Variants in ALG10B observed in about 807,000 individuals in gnomAD.
ALG10B encodes the protein dol-P-Glc:Glc(2)Man(9)GlcNAc(2)-PP-Dol alpha-1,2-glucosyltransferase B.
Under a neutral mutation model 38.7 loss-of-function variants are expected in ALG10B, and 27 were observed. The ratio of observed to expected loss-of-function variants is 0.70; its 90% CI spans 0.51 to 0.96. The LOEUF (loss-of-function observed/expected upper bound fraction) is 0.96. ALG10B is among the 40% of genes least tolerant of loss of function. ALG10B has a pLI of 0.00. For missense variants in ALG10B, 522 were observed against 542.7 expected, an observed-to-expected ratio of 0.96 and a Z score of 0.38; for synonymous variants, 177 against 193.3, an observed-to-expected ratio of 0.92 and a Z score of 0.70.
rs1293302570 is a variant in ALG10B at position 38,324,186 on chromosome 12, C to T, written c.*2973C>T. 5.0e-6 allele frequency: 2 copies of T among 403,488 alleles called. No homozygotes were observed. The highest frequency in any genetic ancestry group is 4.0e-5 in the Admixed American group (1 of 25,058). The allele number at this position is 403,488 out of a possible 1,614,324, so 25.0% of individuals were successfully genotyped here. On this transcript the variant is annotated 3_prime_UTR_variant, in exon 3 of 3. Transcript: ENST00000308742. ...TAGCTGAGATTATAGGCGCCCACCA[C>T]CAAGCCTGGCTAATTTTTTCTATTT...
Position 38,316,912 on chromosome 12 carries a change from T to C in ALG10B, c.19T>C (p.Tyr7His), listed in dbSNP as rs866239763. 1.2e-6 allele frequency: 2 copies of C among 1,614,052 alleles called. No individual in the cohort carries two copies. The highest frequency in any genetic ancestry group is 1.7e-6 in the Non-Finnish European group (2 of 1,180,032). Reference sequence around the variant, plus strand: ...AGCAGGAATGGCGCAGCTAGAGGGTTACTGTTTCTCGGCCGCCTTGAGCTG... The same window carrying C: ...AGCAGGAATGGCGCAGCTAGAGGGTCACTGTTTCTCGGCCGCCTTGAGCTG... The part of the protein sequence containing the change: MAQLEG[Y>H]CFSAALSCTF... Residue 7 changes from tyrosine to histidine, a missense_variant, in exon 1 of 3, where the codon TAC (tyrosine) becomes CAC (histidine). Tyr to His is a moderately conservative substitution (Grantham distance 83). Coordinates refer to ENST00000308742, the MANE Select transcript of ALG10B (RefSeq NM_001013620.4).
In ALG10B at chr12:38,329,250, T is replaced by C; in HGVS notation, c.*8037T>C. 2.5e-6 allele frequency: 1 copy of C among 397,534 alleles called. No homozygotes were observed. Among genetic ancestry groups the C allele is most frequent in the Non-Finnish European group, 4.4e-6 (1 of 225,916 alleles). The allele number at this position is 397,534 out of a possible 1,614,324, so 24.6% of individuals were successfully genotyped here. On this transcript the variant is annotated 3_prime_UTR_variant, in exon 3 of 3. Coordinates refer to ENST00000308742, the MANE Select transcript of ALG10B (RefSeq NM_001013620.4). The stretch of plus-strand genomic sequence containing the variant: ...TTGTTTCTGTTTTTGTCATGATACC[T>C]CAAATTGATATATGTTGTAATTATG...
rs1945743948 is a variant in ALG10B, at chr12:38,326,307, A to AT, written c.*5096dup. On this transcript the variant is annotated 3_prime_UTR_variant, in exon 3 of 3. Transcript: ENST00000308742. ...CAGTGTGGCCCAGGGAAGCCAAAAG[A>AT]TTGGAGACCCCTGCTAGCATTTAAT... is the stretch of plus-strand genomic sequence containing the variant. 6.6e-6 allele frequency: 1 copy of AT among 151,916 alleles called. No individual in the cohort carries two copies. Among genetic ancestry groups the AT allele is most frequent in the Admixed American group, 6.5e-5 (1 of 15,268 alleles). 9.4% of individuals were successfully genotyped at this position (151,916 alleles called of 1,614,324 possible).
rs1945716757 is a variant in ALG10B at position 38,323,121 on chromosome 12, A to G, written c.*1908A>G. On this transcript the variant is annotated 3_prime_UTR_variant, in exon 3 of 3. Transcript: ENST00000308742. Reference sequence around the variant, plus strand: ...CGGATTTCAAATCTTCTGGATAAATAGCCAGAAGTGGGATTGTTGGATCAG... The same window carrying G: ...CGGATTTCAAATCTTCTGGATAAATGGCCAGAAGTGGGATTGTTGGATCAG... The G allele has an allele frequency of 1.3e-5, 2 of 152,178 alleles. No individual in the cohort carries two copies. The highest frequency in any genetic ancestry group is 2.1e-4 in the South Asian group (1 of 4,832). The allele number at this position is 152,178 out of a possible 1,614,324, so 9.4% of individuals were successfully genotyped here.
rs778199080 is a variant in ALG10B, at chr12:38,320,584, T to C, written c.793T>C (p.Cys265Arg). 9.3e-6 allele frequency: 15 copies of C among 1,614,150 alleles called. No homozygotes were observed. The highest frequency in any genetic ancestry group is 2.2e-5 in the South Asian group (2 of 91,084). Residue 265 changes from cysteine to arginine, a missense_variant, in exon 3 of 3, where the codon TGT (cysteine) becomes CGT (arginine). Physicochemically the swap from Cys to Arg is radical, Grantham distance 180. Transcript: ENST00000308742. The stretch of plus-strand genomic sequence containing the variant: ...CTACATCCTTCTGGGATTTCTGTTT[T>C]GTGCTTTTGTAGTAGTTAATGGTGG... ...WPYILLGFLF[C>R]AFVVVNGGIV...
chr12:38,320,462 A>G lies in ALG10B; in HGVS notation c.671A>G (p.Lys224Arg). 6.2e-7 allele frequency: 1 copy of G among 1,614,046 alleles called. No individual in the cohort carries two copies. Among genetic ancestry groups the G allele is most frequent in the South Asian group, 1.1e-5 (1 of 91,076 alleles). Reference protein sequence around the residue: ...QKKEDRLPPIKGPFAEFRKIL... With the variant: ...QKKEDRLPPIRGPFAEFRKIL... ...AAGGAAGACAGACTTCCACCTATTA[A>G]AGGACCATTTGCAGAATTCAGAAAA... Residue 224 changes from lysine to arginine, a missense_variant, in exon 3 of 3, where the codon AAA (lysine) becomes AGA (arginine). Transcript: ENST00000308742.
At chr12:38,319,570 A>G (rs1435558313) in intron 2 of ALG10B, among the ~76,000 whole-genome samples, 1 of 152,234 alleles carries the variant, frequency 6.6e-6, no homozygotes. Flanking sequence ...CTGAAATAGC[A>G]TGTCAGAAAG....
chr12:38,317,084 C>T lies in ALG10B; in HGVS notation c.171+20C>T, dbSNP rs1318398318. 1.9e-6 allele frequency: 3 copies of T among 1,614,004 alleles called. No homozygotes were observed. Among genetic ancestry groups the T allele is most frequent in the Admixed American group, 3.3e-5 (2 of 60,004 alleles). On this transcript the variant is annotated intron_variant, in intron 1 of 2. Coordinates refer to ENST00000308742, the MANE Select transcript of ALG10B (RefSeq NM_001013620.4). Reference sequence around the variant, plus strand: ...TCCCAGGTGGGGTGCCCAACCTGTCCCCACCCCAGGAGAGGCCTGAAAGGT... The same window carrying T: ...TCCCAGGTGGGGTGCCCAACCTGTCTCCACCCCAGGAGAGGCCTGAAAGGT...
Position 38,320,182 on chromosome 12 carries a change from G to A in ALG10B, c.391G>A (p.Val131Ile), listed in dbSNP as rs1040268707. The change falls in exon 3 of 3, where the codon GTC becomes ATC. Residue 131 changes from valine (V) to isoleucine (I), a missense_variant. Val to Ile is a conservative substitution (Grantham distance 29, BLOSUM62 3). Transcript: ENST00000308742. Reference sequence around the variant, plus strand: ...CAAGGCTGCCTCAAGTATCCAGAGAGTCTTGTCAACATTAACACTAGCAGT... The same window carrying A: ...CAAGGCTGCCTCAAGTATCCAGAGAATCTTGTCAACATTAACACTAGCAGT... ...RNKAASSIQR[V>I]LSTLTLAVFP... The A allele has an allele frequency of 3.1e-6, 5 of 1,613,882 alleles. No individual in the cohort carries two copies. The highest frequency in any genetic ancestry group is 1.3e-5 in the African/African-American group (1 of 74,910).
rs756583115 is a variant in ALG10B, at chr12:38,321,408, G to A, written c.*195G>A. The stretch of plus-strand genomic sequence containing the variant: ...AAAGAACTGGGAAAGCTTAAGACCT[G>A]CTTCAAAAGCCTGAATAATGGGAAA... On this transcript the variant is annotated 3_prime_UTR_variant, in exon 3 of 3. Coordinates refer to ENST00000308742, the MANE Select transcript of ALG10B (RefSeq NM_001013620.4). 5 of 474,110 alleles carry A rather than the reference G, an allele frequency of 1.1e-5. No homozygotes were observed. The highest frequency in any genetic ancestry group is 1.4e-5 in the Non-Finnish European group (4 of 284,518). The allele number at this position is 474,110 out of a possible 1,614,324, so 29.4% of individuals were successfully genotyped here.
chr12:38,318,029 A>AT (rs1945671463), intron 1 of ALG10B: 1 of 562,956 alleles, frequency 1.8e-6, no homozygotes, highest in Non-Finnish European at 3.2e-6. Flanking sequence ...ATAGAAATAG[A>AT]TTTTAAGTTG....
In ALG10B at chr12:38,324,172, A is replaced by G; in HGVS notation, c.*2959A>G. On this transcript the variant is annotated 3_prime_UTR_variant, in exon 3 of 3. Transcript: ENST00000308742. ...CTCAGCCTCCCGAGTAGCTGAGATTATAGGCGCCCACCACCAAGCCTGGCT... is the reference window on the plus strand; with the variant it reads ...CTCAGCCTCCCGAGTAGCTGAGATTGTAGGCGCCCACCACCAAGCCTGGCT... 2.2e-6 allele frequency: 1 copy of G among 451,698 alleles called. No homozygotes were observed. Among genetic ancestry groups the G allele is most frequent in the African/African-American group, 2.0e-5 (1 of 49,892 alleles). 28.0% of individuals were successfully genotyped at this position (451,698 alleles called of 1,614,324 possible).
chr12:38,328,703 C>A lies in ALG10B; in HGVS notation c.*7490C>A, dbSNP rs1056997495. 1.3e-5 allele frequency: 2 copies of A among 152,242 alleles called. No homozygotes were observed. Among genetic ancestry groups the A allele is most frequent in the African/African-American group, 2.4e-5 (1 of 41,364 alleles). The allele number at this position is 152,242 out of a possible 1,614,324, so 9.4% of individuals were successfully genotyped here. A position where few individuals can be genotyped will look rare whatever the true frequency, so the allele number is the denominator to read the frequency against. Reference sequence around the variant, plus strand: ...ATGTAAAAAAAACAAACAAAAAAAACCTCACTTTGTGTTTTGTAATCATTA... The same window carrying A: ...ATGTAAAAAAAACAAACAAAAAAAAACTCACTTTGTGTTTTGTAATCATTA... On this transcript the variant is annotated 3_prime_UTR_variant, in exon 3 of 3. Coordinates refer to ENST00000308742, the MANE Select transcript of ALG10B (RefSeq NM_001013620.4).
At chr12:38,317,298 C>T in intron 1 of ALG10B, 1 of 665,944 alleles carries the variant, frequency 1.5e-6, no homozygotes, top group Non-Finnish European at 2.5e-6. Flanking sequence ...TGGGAGAATA[C>T]TTAGTGGGGA....
chr12:38,324,727 G>C lies in ALG10B; in HGVS notation c.*3514G>C, dbSNP rs186932838. 4 of 152,130 alleles carry C rather than the reference G, an allele frequency of 2.6e-5. No homozygotes were observed. The highest frequency in any genetic ancestry group is 9.7e-5 in the African/African-American group (4 of 41,416). 9.4% of individuals were successfully genotyped at this position (152,130 alleles called of 1,614,324 possible). A position where few individuals can be genotyped will look rare whatever the true frequency, so the allele number is the denominator to read the frequency against. ...TCAAAGTCATTCACTTGAAACAACTGAGAAGACCATTCTTAGGTGTTTAGA... is the reference window on the plus strand; with the variant it reads ...TCAAAGTCATTCACTTGAAACAACTCAGAAGACCATTCTTAGGTGTTTAGA... On this transcript the variant is annotated 3_prime_UTR_variant, in exon 3 of 3. Transcript: ENST00000308742.
In ALG10B at chr12:38,326,913, CTTTT is replaced by C. The variant is rs1188013035; in HGVS notation, c.*5703_*5706del. The C allele has an allele frequency of 6.6e-6, 1 of 150,966 alleles. No individual in the cohort carries two copies. 9.4% of individuals were successfully genotyped at this position (150,966 alleles called of 1,614,324 possible). On this transcript the variant is annotated 3_prime_UTR_variant, in exon 3 of 3. Coordinates refer to ENST00000308742, the MANE Select transcript of ALG10B (RefSeq NM_001013620.4). ...CACAATATAATATCTCTATATTGTGCTTTTTTAAGAGATAAATTTTTGATGAATT... is the reference window on the plus strand; with the variant it reads ...CACAATATAATATCTCTATATTGTGCTTAAGAGATAAATTTTTGATGAATT...
Position 38,316,839 on chromosome 12 carries a change from C to T in ALG10B, c.-55C>T. 6.2e-7 allele frequency: 1 copy of T among 1,613,556 alleles called. No homozygotes were observed. Among genetic ancestry groups the T allele is most frequent in the South Asian group, 1.1e-5 (1 of 91,050 alleles). On this transcript the variant is annotated 5_prime_UTR_variant, in exon 1 of 3. Transcript: ENST00000308742. Reference sequence around the variant, plus strand: ...GAGCCCAAGTTTCCAGCTCGGGTTTCCGGGCTCAGAATTTTCCAGGAGTGG... The same window carrying T: ...GAGCCCAAGTTTCCAGCTCGGGTTTTCGGGCTCAGAATTTTCCAGGAGTGG...
rs1945771279 is a variant in ALG10B, at chr12:38,329,070, C to T, written c.*7857C>T. On this transcript the variant is annotated 3_prime_UTR_variant, in exon 3 of 3. Coordinates refer to ENST00000308742, the MANE Select transcript of ALG10B (RefSeq NM_001013620.4). The stretch of plus-strand genomic sequence containing the variant: ...ACTCTATTGTTATGATGGAGAAAGG[C>T]ATGAAGTCTACCTTCAAATTCATGG... The T allele has an allele frequency of 2.5e-6, 1 of 396,160 alleles. No individual in the cohort carries two copies. 24.5% of individuals were successfully genotyped at this position (396,160 alleles called of 1,614,324 possible).
chr12:38,329,122 G>A lies in ALG10B; in HGVS notation c.*7909G>A, dbSNP rs1034133038. ...ATTTTAGAAGGAAAAATTGTCGCAA[G>A]TAATGTGATTATACTTCCTAGTTTT... On this transcript the variant is annotated 3_prime_UTR_variant, in exon 3 of 3. Coordinates refer to ENST00000308742, the MANE Select transcript of ALG10B (RefSeq NM_001013620.4). The A allele has an allele frequency of 1.0e-5, 4 of 398,102 alleles. No individual in the cohort carries two copies. In the East Asian group the frequency reaches 1.4e-4, roughly 14 times the overall value. The allele number at this position is 398,102 out of a possible 1,614,324, so 24.7% of individuals were successfully genotyped here. A position where few individuals can be genotyped will look rare whatever the true frequency, so the allele number is the denominator to read the frequency against.
Sources: allele counts gnomAD v4.1 joint callset (sites outside exome capture counted in the v4.1 genomes callset), GRCh38; gene constraint gnomAD v4.1.1; transcripts MANE v1.5; gene names NCBI Gene and HGNC (gene_info 2026-07-23, HGNC 2026-07-21).